HACD4: variants seen among roughly 807,000 people sequenced by gnomAD.
HACD4 encodes very-long-chain (3R)-3-hydroxyacyl-CoA dehydratase 4.
HACD4 carries 35 observed loss-of-function variants against 33.3 expected under a neutral mutation model. The ratio of observed to expected loss-of-function variants is 1.05; its 90% CI spans 0.80 to 1.39. The LOEUF is 1.39. Ranked by LOEUF, HACD4 falls within the 40% of genes most tolerant of loss-of-function variation. The probability of loss-of-function intolerance (pLI) is 0.00; values close to 1 mark genes in which losing one functional copy is unlikely to be tolerated. For synonymous variants in HACD4, 118 were observed against 98.0 expected (o/e 1.20, Z -1.21); for missense variants, 323 against 276.5 (o/e 1.17, Z -1.19).
Position 21,008,037 on chromosome 9 carries a change from G to C in HACD4, c.600C>G (p.Leu200=), listed in dbSNP as rs781548982. 1 of 1,602,250 alleles carries C rather than the reference G, an allele frequency of 6.2e-7. No individual in the cohort carries two copies. The highest frequency in any genetic ancestry group is 8.5e-7 in the Non-Finnish European group (1 of 1,175,106). ...GCCACTTACCTATAAAGAGCATCATGAGATATATTTTCAGCACATATGGGA... is the reference window on the plus strand; with the variant it reads ...GCCACTTACCTATAAAGAGCATCATCAGATATATTTTCAGCACATATGGGA... ...IYFPYVLKIY[L]MMLFIGMYFT... The change falls in exon 6 of 7, where the codon CTC becomes CTG. Residue 200 remains leucine (L), a synonymous_variant. Coordinates refer to ENST00000495827, the MANE Select transcript of HACD4 (RefSeq NM_001010915.5).
chr9:21,023,912 A>G (rs943757586), intron 3 of HACD4, among the ~76,000 whole-genome samples: 1 of 152,222 alleles, frequency 6.6e-6, no homozygotes, highest in African/African-American at 2.4e-5. Context: ...TCAAAATCAC[A>G]TCACAACTGT....
intron 6 of HACD4, among the ~76,000 whole-genome samples, chr9:21,007,777 C>A (rs1401763245): frequency 2.0e-5 from 3 of 152,120 alleles, no homozygotes; most frequent in Non-Finnish European, 4.4e-5. Flanking sequence ...ATACATAATG[C>A]AGCTATATTT....
In HACD4 at chr9:21,003,576, A is replaced by C. The variant is rs775964592; in HGVS notation, c.*3461T>G. 2 of 152,162 alleles carry C rather than the reference A, an allele frequency of 1.3e-5. No individual in the cohort carries two copies. The highest frequency in any genetic ancestry group is 6.5e-5 in the Admixed American group (1 of 15,274). 9.4% of individuals were successfully genotyped at this position (152,162 alleles called of 1,614,324 possible). A position where few individuals can be genotyped will look rare whatever the true frequency, so the allele number is the denominator to read the frequency against. ...AAGATTTCAAGTAGCCTAATACTCA[A>C]TTGTTTCTTTCCAAATGTTTTCTTT... On this transcript the variant is annotated 3_prime_UTR_variant, in exon 7 of 7. Transcript: ENST00000495827.
intron 3 of HACD4, among the ~76,000 whole-genome samples, chr9:21,023,611 G>A (rs1250972558): frequency 3.6e-5 from 5 of 137,652 alleles, no homozygotes; most frequent in South Asian, 2.2e-4. Flanking sequence ...GTCTTGCTCC[G>A]TCACCCAGGC....
chr9:21,022,588 C>T (rs372312654), intron 3 of HACD4, among the ~76,000 whole-genome samples: 1 of 152,030 alleles, frequency 6.6e-6, no homozygotes, highest in East Asian at 1.9e-4. Context: ...CAAAAGAACA[C>T]ATTTATGCAG....
chr9:21,007,322 T>G (rs1842295083), intron 6 of HACD4, among the ~76,000 whole-genome samples: 1 of 152,180 alleles, frequency 6.6e-6, no homozygotes, highest in South Asian at 2.1e-4. Flanking sequence ...CTACTTTTTT[T>G]AATGCAAGGA....
intron 4 of HACD4, 74 bp from the exon 5 acceptor site, chr9:21,011,769 T>C (rs1472267823): frequency 5.5e-6 from 4 of 728,122 alleles, no homozygotes; most frequent in African/African-American, 5.4e-5. Flanking sequence ...TACTGTGTAA[T>C]TAAATACAGA....
At chr9:21,029,506 T>C in intron 1 of HACD4, 108 bp from the exon 2 acceptor site, 1 of 624,470 alleles carries the variant, frequency 1.6e-6, no homozygotes, top group South Asian at 2.5e-5. Flanking sequence ...AAAAGAAAAC[T>C]GTTTCATATC....
At position 21,007,025 on chromosome 9, in the gene HACD4, G is replaced by A. The variant is rs146195168; in HGVS notation, c.*12C>T. 1.9e-4 allele frequency: 280 copies of A among 1,454,380 alleles called. 1 individual carries two copies. In the Middle Eastern group the frequency reaches 3.8e-3, roughly 20 times the overall value. 90.1% of individuals were successfully genotyped at this position (1,454,380 alleles called of 1,614,324 possible). The stretch of plus-strand genomic sequence containing the variant: ...GCCTGTCTTTTCTCGTGTCACACTG[G>A]AATGCTGTACTTCACATCTTCTTTT... On this transcript the variant is annotated 3_prime_UTR_variant, in exon 7 of 7. Coordinates refer to ENST00000495827, the MANE Select transcript of HACD4 (RefSeq NM_001010915.5).
intron 1 of HACD4, 177 bp downstream of exon 1, chr9:21,031,376 C>T: frequency 1.2e-6 from 1 of 820,106 alleles, no homozygotes; most frequent in Non-Finnish European, 1.5e-6. Flanking sequence ...CTAGGGTGGT[C>T]AAGAGGGGTA....
chr9:21,021,992 A>G (rs1269185839), intron 3 of HACD4, among the ~76,000 whole-genome samples: 1 of 152,212 alleles, frequency 6.6e-6, no homozygotes, highest in African/African-American at 2.4e-5. Context: ...CTACAAGGCT[A>G]CAGTAACCAA....
At chr9:21,022,791 G>A (rs565327799) in intron 3 of HACD4, among the ~76,000 whole-genome samples, 60 of 152,016 alleles carry the variant, frequency 3.9e-4, no homozygotes, top group South Asian at 8.4e-4. Context: ...TAGTTCAACC[G>A]TTGTGGAAGT....
chr9:21,011,721 A>G (rs747876879), intron 4 of HACD4, 26 bp from the exon 5 acceptor site: 4 of 1,281,772 alleles, frequency 3.1e-6, no homozygotes, highest in Non-Finnish European at 4.5e-6. Flanking sequence ...AAGCTCATAA[A>G]CATCATTTTC....
chr9:21,015,857 G>T, intron 4 of HACD4, 41 bp downstream of exon 4: 2 of 1,311,178 alleles, frequency 1.5e-6, no homozygotes, highest in South Asian at 1.2e-5. Context: ...ACTGCAGAAA[G>T]CAATTTAGCC....
rs1440352162 is a variant in HACD4, at chr9:21,031,598, C to A, written c.-8G>T. ...CAGCGCCAAGGGCCCCATGGGCCGC[C>A]GCCGCCAGGGCTTCCAGCGCGGTCC... On this transcript the variant is annotated 5_prime_UTR_variant, in exon 1 of 7. Transcript: ENST00000495827. The A allele has an allele frequency of 7.0e-7, 1 of 1,427,676 alleles. No homozygotes were observed. Among genetic ancestry groups the A allele is most frequent in the East Asian group, 3.0e-5 (1 of 33,074 alleles). The allele number at this position is 1,427,676 out of a possible 1,614,324, so 88.4% of individuals were successfully genotyped here.
At chr9:21,019,556 T>C (rs773370847) in intron 3 of HACD4, among the ~76,000 whole-genome samples, 11 of 152,112 alleles carry the variant, frequency 7.2e-5, no homozygotes, top group African/African-American at 1.4e-4. Flanking sequence ...GTGATTTACA[T>C]TGTATTTACA....
Position 21,026,737 on chromosome 9 carries a change from G to C in HACD4, c.143-14C>G, listed in dbSNP as rs1442917149. The stretch of plus-strand genomic sequence containing the variant: ...CAACCATTGAATCTGTATCCCGTGG[G>C]TTAAAAATGCAGATATAGGAAGAAA... On this transcript the variant is annotated splice_polypyrimidine_tract_variant and intron_variant, in intron 2 of 6. Coordinates refer to ENST00000495827, the MANE Select transcript of HACD4 (RefSeq NM_001010915.5). 5 of 1,608,498 alleles carry C rather than the reference G, an allele frequency of 3.1e-6. No homozygotes were observed. The South Asian group carries it at 5.6e-5, about 18-fold the overall frequency.
rs901441814 is a variant in HACD4, at chr9:21,003,251, A to T, written c.*3786T>A. ...GAAGTTTTTAAGTTAATCTGGTTTT[A>T]AAAAATTAAAGCATTATTTAATAAT... On this transcript the variant is annotated 3_prime_UTR_variant, in exon 7 of 7. Transcript: ENST00000495827. 3.9e-5 allele frequency: 6 copies of T among 152,118 alleles called. No individual in the cohort carries two copies. The highest frequency in any genetic ancestry group is 8.8e-5 in the Non-Finnish European group (6 of 67,994). The allele number at this position is 152,118 out of a possible 1,614,324, so 9.4% of individuals were successfully genotyped here. A position where few individuals can be genotyped will look rare whatever the true frequency, so the allele number is the denominator to read the frequency against.
At chr9:21,029,944 G>C (rs1194563844) in intron 1 of HACD4, among the ~76,000 whole-genome samples, 1 of 151,950 alleles carries the variant, frequency 6.6e-6, no homozygotes, top group Non-Finnish European at 1.5e-5. Context: ...TTTGAAGTAC[G>C]GTTTCTAATG....
Sources: gnomAD v4.1 joint callset for allele counts (sites outside exome capture counted in the v4.1 genomes callset) on GRCh38, gnomAD v4.1.1 for gene constraint, MANE v1.5 for transcripts, NCBI Gene and HGNC (gene_info 2026-07-23, HGNC 2026-07-21) for gene names.